The following WDR59 variants were observed in gnomAD, a reference collection of about 807,000 sequenced individuals.
The protein encoded by WDR59 is WD repeat domain 59.
WDR59 carries 100 observed loss-of-function variants against 131.2 expected under a neutral mutation model. The observed-to-expected ratio is 0.76, with a 90% CI of 0.65 to 0.90. The LOEUF is 0.90. Among genes scored for constraint, WDR59 ranks in the 40% least tolerant of loss-of-function variants. WDR59 has a pLI of 0.00. For missense variants in WDR59, 1,203 were observed against 1,262.2 expected (o/e 0.95, Z 0.71); for synonymous variants, 601 against 466.2 (o/e 1.29, Z -3.72).
In WDR59 at chr16:74,874,114, G is replaced by A. The variant is rs571561820; in HGVS notation, c.*95C>T. 74 of 1,092,078 alleles carry A rather than the reference G, an allele frequency of 6.8e-5. No homozygotes were observed. The highest frequency in any genetic ancestry group is 2.0e-4 in the Admixed American group (9 of 45,150). The allele number at this position is 1,092,078 out of a possible 1,614,324, so 67.6% of individuals were successfully genotyped here. ...ATCATCCTCCGGTCTCACTGGGGAC[G>A]AACCCAGGTTCTGGAGCCTCTCCCC... On this transcript the variant is annotated 3_prime_UTR_variant, in exon 26 of 26. Transcript: ENST00000262144.
At chr16:74,902,917 A>AG (rs1965622980) in intron 18 of WDR59, among the ~76,000 whole-genome samples, 1 of 151,732 alleles carries the variant, frequency 6.6e-6, no homozygotes, top group Non-Finnish European at 1.5e-5. Flanking sequence ...GAAAGTGTCC[A>AG]GAAAAAAAAA....
At chr16:74,896,048 C>T (rs746349893) in intron 18 of WDR59, among the ~76,000 whole-genome samples, 5 of 151,820 alleles carry the variant, frequency 3.3e-5, no homozygotes, top group Non-Finnish European at 7.4e-5. Context: ...CCACAGGCCC[C>T]ACATAACTGG....
intron 7 of WDR59, among the ~76,000 whole-genome samples, chr16:74,940,037 T>C (rs931392702): frequency 6.6e-6 from 1 of 152,074 alleles, no homozygotes; most frequent in African/African-American, 2.4e-5. Flanking sequence ...GTTCAAATTT[T>C]GGCAGCAAAT....
chr16:74,975,143 C>A (rs568933992), intron 1 of WDR59, among the ~76,000 whole-genome samples: 4 of 152,278 alleles, frequency 2.6e-5, no homozygotes, highest in African/African-American at 4.8e-5. Flanking sequence ...GGTGGATCAC[C>A]TGAGGTCAGG....
intron 1 of WDR59, among the ~76,000 whole-genome samples, chr16:74,972,293 G>A (rs958712409): frequency 6.6e-6 from 1 of 152,192 alleles, no homozygotes; most frequent in Non-Finnish European, 1.5e-5. Context: ...GATGGCTAAT[G>A]AAGGAAATCA....
At chr16:74,879,905 G>A (rs1171246800) in intron 25 of WDR59, among the ~76,000 whole-genome samples, 3 of 152,156 alleles carry the variant, frequency 2.0e-5, no homozygotes, top group Non-Finnish European at 4.4e-5. Context: ...GTCTGCTGGG[G>A]CTGGGTGTGG....
chr16:74,885,006 T>C lies in WDR59; in HGVS notation c.2689+647A>G, dbSNP rs534462444. ...TATCACAATTTGAAATTACTTAATT[T>C]TCCCCCCTACTCAGCTGTAAGCTCC... On this transcript the variant is annotated intron_variant, in intron 25 of 25. Transcript: ENST00000262144. 1.4e-3 allele frequency among the ~76,000 whole-genome samples: 207 copies of C among 152,224 alleles called. 1 individual carries two copies. Among genetic ancestry groups the C allele is most frequent in the Non-Finnish European group, 2.4e-3 (163 of 68,044 alleles).
chr16:74,922,685 T>G (rs2030365701), intron 9 of WDR59, among the ~76,000 whole-genome samples: 1 of 152,238 alleles, frequency 6.6e-6, no homozygotes, highest in African/African-American at 2.4e-5. Context: ...ATAATTAGAC[T>G]CTGTTATTTA....
chr16:74,914,200 A>G (rs2144955097), intron 13 of WDR59, among the ~76,000 whole-genome samples: 1 of 152,294 alleles, frequency 6.6e-6, no homozygotes, highest in East Asian at 1.9e-4. Context: ...CGGACAGAGC[A>G]AGGCTCCATC....
At chr16:74,875,572 T>C (rs894772582) in intron 25 of WDR59, among the ~76,000 whole-genome samples, 3 of 152,112 alleles carry the variant, frequency 2.0e-5, no homozygotes, top group Non-Finnish European at 2.9e-5. Context: ...CCTACACCAC[T>C]AACCCAGTGC....
chr16:74,909,473 C>A (rs1031762050), intron 16 of WDR59, 28 bp downstream of exon 16: 24 of 1,515,824 alleles, frequency 1.6e-5, no homozygotes, highest in Non-Finnish European at 2.1e-5. Flanking sequence ...CTCTCGAAAT[C>A]TAGAATCAAA....
intron 1 of WDR59, among the ~76,000 whole-genome samples, chr16:74,979,684 G>A (rs1041529537): frequency 4.0e-5 from 6 of 150,804 alleles, no homozygotes; most frequent in African/African-American, 1.5e-4. Context: ...GGGATTACAG[G>A]CACCCACCAC....
intron 7 of WDR59, among the ~76,000 whole-genome samples, chr16:74,941,183 T>C (rs1456404930): frequency 1.3e-5 from 2 of 150,272 alleles, no homozygotes; most frequent in African/African-American, 4.9e-5. Context: ...AAAAAAAAAT[T>C]TTTTTTAATT....
chr16:74,950,707 T>A (rs1272970610), intron 4 of WDR59, among the ~76,000 whole-genome samples: 2 of 152,170 alleles, frequency 1.3e-5, no homozygotes, highest in African/African-American at 2.4e-5. Context: ...GAGGCGGCTG[T>A]GCCCTTGGGT....
At chr16:74,910,148 A>G (rs1365825409) in intron 14 of WDR59, among the ~76,000 whole-genome samples, 1 of 151,736 alleles carries the variant, frequency 6.6e-6, no homozygotes, top group Admixed American at 6.6e-5. Flanking sequence ...TTGTATTTTT[A>G]GTAGAGAAGG....
intron 25 of WDR59, among the ~76,000 whole-genome samples, chr16:74,879,019 T>C (rs1295778990): frequency 2.0e-5 from 3 of 152,216 alleles, no homozygotes; most frequent in Non-Finnish European, 4.4e-5. Flanking sequence ...TCTTCACTAC[T>C]GATATTACTG....
intron 1 of WDR59, among the ~76,000 whole-genome samples, chr16:74,966,238 G>C (rs1751685846): frequency 6.6e-6 from 1 of 152,134 alleles, no homozygotes; most frequent in South Asian, 2.1e-4. Flanking sequence ...CCAGCACTTT[G>C]GGAGGCCAAG....
chr16:74,970,010 G>A (rs1431872575), intron 1 of WDR59, among the ~76,000 whole-genome samples: 2 of 151,650 alleles, frequency 1.3e-5, no homozygotes, highest in Non-Finnish European at 1.5e-5. Flanking sequence ...TGCAACCTCC[G>A]TCTCCTGGGT....
At chr16:74,912,449 C>T in intron 13 of WDR59, 87 bp from the exon 14 acceptor site, 1 of 1,370,036 alleles carries the variant, frequency 7.3e-7, no homozygotes, top group Non-Finnish European at 9.9e-7. Flanking sequence ...GCTCCATGTT[C>T]CTGGTAATTG....
Sources: allele counts gnomAD v4.1 joint callset (sites outside exome capture counted in the v4.1 genomes callset), GRCh38; gene constraint gnomAD v4.1.1; transcripts MANE v1.5; gene names NCBI Gene and HGNC (gene_info 2026-07-23, HGNC 2026-07-21).